The following KCNJ6 variants were observed in gnomAD, a reference collection of about 807,000 sequenced individuals.
KCNJ6 encodes potassium inwardly rectifying channel subfamily J member 6.
KCNJ6 carries 9 observed loss-of-function variants against 34.2 expected under a neutral mutation model. The ratio of observed to expected loss-of-function variants is 0.26; its 90% CI spans 0.16 to 0.46. KCNJ6 has a LOEUF of 0.46. Ranked by LOEUF, KCNJ6 falls within the 20% of genes least tolerant of loss-of-function variation. The pLI, the probability that KCNJ6 is intolerant of heterozygous loss-of-function variation, is 1.00. For synonymous variants in KCNJ6, 196 were observed against 207.1 expected, an observed-to-expected ratio of 0.95 and a Z score of 0.46; for missense variants, 236 against 531.3, an observed-to-expected ratio of 0.44 and a Z score of 5.46.
At chr21:37,883,709 T>C (rs995143287) in intron 1 of KCNJ6, among the ~76,000 whole-genome samples, 2 of 152,212 alleles carry the variant, frequency 1.3e-5, no homozygotes, top group African/African-American at 4.8e-5. Context: ...GTTTAGTGCT[T>C]GGAAAGTCAT....
At chr21:37,867,321 C>T (rs567654927) in intron 1 of KCNJ6, among the ~76,000 whole-genome samples, 3 of 152,264 alleles carry the variant, frequency 2.0e-5, no homozygotes, top group Admixed American at 2.0e-4. Flanking sequence ...GAGTCAGGGA[C>T]AAAAATCTGT....
At position 37,613,800 on chromosome 21, in the gene KCNJ6, G is replaced by C. The variant is rs2054251297; in HGVS notation, c.*11359C>G. 2 of 152,304 alleles carry C rather than the reference G, an allele frequency of 1.3e-5. No homozygotes were observed. Among genetic ancestry groups the C allele is most frequent in the Admixed American group, 6.5e-5 (1 of 15,298 alleles). The allele number at this position is 152,304 out of a possible 1,614,324, so 9.4% of individuals were successfully genotyped here. On this transcript the variant is annotated 3_prime_UTR_variant, in exon 4 of 4. Coordinates refer to ENST00000609713, the MANE Select transcript of KCNJ6 (RefSeq NM_002240.5). ...ATTGGGAGAGCACAGAGGATTTTTA[G>C]GGCCGTGGGACTATCCTGTATGATT...
chr21:37,914,530 G>A (rs1002478449), intron 1 of KCNJ6, among the ~76,000 whole-genome samples: 9 of 152,238 alleles, frequency 5.9e-5, no homozygotes, highest in Non-Finnish European at 8.8e-5. Context: ...CACAGGGCAC[G>A]CGGCTGGCGT....
At chr21:37,651,315 T>C (rs1221451413) in intron 3 of KCNJ6, among the ~76,000 whole-genome samples, 2 of 152,200 alleles carry the variant, frequency 1.3e-5, no homozygotes, top group African/African-American at 2.4e-5. Context: ...CATGTAGGCC[T>C]GTCGGCCACA....
At chr21:37,900,998 C>T (rs1015514368) in intron 1 of KCNJ6, among the ~76,000 whole-genome samples, 19 of 149,670 alleles carry the variant, frequency 1.3e-4, no homozygotes, top group Admixed American at 6.0e-4. Flanking sequence ...ATATTCTCCC[C>T]CACTTCTGCC....
chr21:37,740,378 T>C (rs549463599), intron 2 of KCNJ6, among the ~76,000 whole-genome samples: 1 of 152,198 alleles, frequency 6.6e-6, no homozygotes, highest in Non-Finnish European at 1.5e-5. Context: ...TGATAAAACT[T>C]TGGTCTCCAC....
chr21:37,709,471 G>A (rs1422575105), intron 3 of KCNJ6, among the ~76,000 whole-genome samples: 2 of 151,758 alleles, frequency 1.3e-5, no homozygotes, highest in East Asian at 1.9e-4. Context: ...CCAAGATCAC[G>A]CCACTGCACT....
At chr21:37,693,910 A>T (rs1288471744) in intron 3 of KCNJ6, among the ~76,000 whole-genome samples, 2 of 135,526 alleles carry the variant, frequency 1.5e-5, no homozygotes, top group Non-Finnish European at 3.1e-5. Flanking sequence ...CACTATCTTC[A>T]TTCAATTATT....
At chr21:37,679,845 T>C (rs559556813) in intron 3 of KCNJ6, among the ~76,000 whole-genome samples, 8 of 152,348 alleles carry the variant, frequency 5.3e-5, no homozygotes, top group African/African-American at 1.9e-4. Flanking sequence ...TTTCTAGACA[T>C]GGTTGGAAAA....
At position 37,852,609 on chromosome 21, in the gene KCNJ6, C is replaced by A. The variant is rs528893797; in HGVS notation, c.-27-11900G>T. Among the ~76,000 whole-genome samples, 31 of 152,254 alleles carry A rather than the reference C, an allele frequency of 2.0e-4. No individual in the cohort carries two copies. The Middle Eastern group carries it at 0.017, about 84-fold the overall frequency. On this transcript the variant is annotated intron_variant, in intron 1 of 3. Transcript: ENST00000609713. ...GGAGTCCTGCTATAATACAAGATTT[C>A]AATAAGATCCAGAATCTTATAGTAA...
chr21:37,639,335 C>G (rs757157191), intron 3 of KCNJ6, among the ~76,000 whole-genome samples: 3 of 152,178 alleles, frequency 2.0e-5, no homozygotes, highest in Non-Finnish European at 4.4e-5. Context: ...AACTACAAAC[C>G]TCTGAGGTAA....
intron 2 of KCNJ6, among the ~76,000 whole-genome samples, chr21:37,755,922 C>A (rs143679353): frequency 1.3e-5 from 2 of 152,220 alleles, no homozygotes; most frequent in Non-Finnish European, 2.9e-5. Context: ...GTGCTAAATG[C>A]GGAATGCAGG....
intron 3 of KCNJ6, among the ~76,000 whole-genome samples, chr21:37,712,532 T>TTCCCTCCCTCCTCC (rs1397369155): frequency 2.3e-5 from 2 of 88,816 alleles, no homozygotes; most frequent in African/African-American, 1.3e-4. Context: ...TCCCTTTCTC[T>TTCCCTCCCTCCTCC]TCCCTCCCTC....
intron 2 of KCNJ6, among the ~76,000 whole-genome samples, chr21:37,840,012 C>A (rs1005327339): frequency 6.6e-6 from 1 of 152,094 alleles, no homozygotes; most frequent in Non-Finnish European, 1.5e-5. Flanking sequence ...TTAGCCAAGC[C>A]GATCTTGAAC....
At chr21:37,805,413 T>C (rs1375777830) in intron 2 of KCNJ6, among the ~76,000 whole-genome samples, 1 of 151,898 alleles carries the variant, frequency 6.6e-6, no homozygotes, top group Non-Finnish European at 1.5e-5. Context: ...AAATACGCTC[T>C]GTCAATCTGA....
chr21:37,777,134 G>T (rs1472519187), intron 2 of KCNJ6, among the ~76,000 whole-genome samples: 1 of 152,096 alleles, frequency 6.6e-6, no homozygotes, highest in South Asian at 2.1e-4. Context: ...GTTTATTTGC[G>T]TAGAGGTGTT....
At chr21:37,667,462 C>T (rs4816575) in intron 3 of KCNJ6, among the ~76,000 whole-genome samples, 63,556 of 151,544 alleles carry the variant, frequency 0.42, 13,369 homozygotes, top group African/African-American at 0.47. Flanking sequence ...AATAGGACAT[C>T]AGGGGTAGTA....
chr21:37,779,122 T>C (rs1044332285), intron 2 of KCNJ6, among the ~76,000 whole-genome samples: 1 of 152,160 alleles, frequency 6.6e-6, no homozygotes, highest in Non-Finnish European at 1.5e-5. Flanking sequence ...TTTAAAACCA[T>C]TGCATTAAAA....
intron 3 of KCNJ6, among the ~76,000 whole-genome samples, chr21:37,671,843 C>T (rs911518417): frequency 1.3e-5 from 2 of 152,014 alleles, no homozygotes; most frequent in Non-Finnish European, 2.9e-5. Context: ...GTACGAGATG[C>T]GGAGTTTGTT....
Sources: allele counts gnomAD v4.1 joint callset (sites outside exome capture counted in the v4.1 genomes callset), GRCh38; gene constraint gnomAD v4.1.1; transcripts MANE v1.5; gene names NCBI Gene and HGNC (gene_info 2026-07-23, HGNC 2026-07-21).